The following ARMC9 variants were observed in gnomAD, a reference collection of about 807,000 sequenced individuals.
ARMC9 encodes lisH domain-containing protein ARMC9.
ARMC9 carries 94 observed loss-of-function variants against 107.0 expected under a neutral mutation model. The ratio of observed to expected loss-of-function variants is 0.88; its 90% CI spans 0.74 to 1.04. The LOEUF (loss-of-function observed/expected upper bound fraction) is 1.04. Ranked by LOEUF, ARMC9 falls within the 50% of genes least tolerant of loss-of-function variation. The probability of loss-of-function intolerance (pLI) is 0.00; values close to 1 mark genes in which losing one functional copy is unlikely to be tolerated. For missense variants in ARMC9, 942 were observed against 1,030.1 expected, an observed-to-expected ratio of 0.91 and a Z score of 1.17; for synonymous variants, 380 against 396.9, an observed-to-expected ratio of 0.96 and a Z score of 0.51.
chr2:231,376,729 G>A lies in ARMC9; in HGVS notation c.*5194G>A, dbSNP rs949345529. Among the ~76,000 whole-genome samples the A allele has an allele frequency of 1.3e-5, 2 of 151,818 alleles. No homozygotes were observed. Among genetic ancestry groups the A allele is most frequent in the African/African-American group, 2.4e-5 (1 of 41,282 alleles). ...TGATGTCTGTCACCCACACCTATTC[G>A]CACACTCCCTCCCCTTTTGAAAATC... On this transcript the variant is annotated 3_prime_UTR_variant, in exon 25 of 25. Transcript: ENST00000611582.
Position 231,206,225 on chromosome 2 carries a change from A to G in ARMC9, c.-14A>G. On this transcript the variant is annotated 5_prime_UTR_variant, in exon 2 of 25. Transcript: ENST00000611582. ...ATTTTTGCTGTGAGAATTAATTACC[A>G]GTAACAGTTCAATATGGGGGACATT... is the stretch of plus-strand genomic sequence containing the variant. 2 of 1,611,758 alleles carry G rather than the reference A, an allele frequency of 1.2e-6. No individual in the cohort carries two copies. Among genetic ancestry groups the G allele is most frequent in the Non-Finnish European group, 1.7e-6 (2 of 1,178,222 alleles).
rs373214254 is a variant in ARMC9, at chr2:231,231,531, A to G, written c.623-3693A>G. ...CCTGAGTAGCTGGGATTACAGGCGC[A>G]TGCCACCATGCCCAGCTAATTTTTG... On this transcript the variant is annotated intron_variant, in intron 7 of 24. Coordinates refer to ENST00000611582, the MANE Select transcript of ARMC9 (RefSeq NM_001352754.2). Among the ~76,000 whole-genome samples, 806 of 151,046 alleles carry G rather than the reference A, an allele frequency of 5.3e-3. 10 individuals are homozygous for G. The highest frequency in any genetic ancestry group is 0.019 in the African/African-American group (771 of 41,078).
intron 5 of ARMC9, among the ~76,000 whole-genome samples, chr2:231,220,649 T>G (rs2034027559): frequency 6.7e-6 from 1 of 150,144 alleles, no homozygotes; most frequent in Non-Finnish European, 1.5e-5. Flanking sequence ...CTAATTTTCC[T>G]CCTGTCTCTG....
intron 16 of ARMC9, 81 bp downstream of exon 16, chr2:231,278,539 C>A: frequency 7.8e-7 from 1 of 1,284,362 alleles, no homozygotes; most frequent in Non-Finnish European, 1.1e-6. Flanking sequence ...AGGCACACAG[C>A]TGGCCCAGGA....
At chr2:231,318,253 C>G (rs1352468392) in intron 19 of ARMC9, among the ~76,000 whole-genome samples, 2 of 141,116 alleles carry the variant, frequency 1.4e-5, no homozygotes, top group East Asian at 2.2e-4. Context: ...TTCTCCAATC[C>G]CAGGGTCTCC....
chr2:231,312,659 G>A (rs2042423355), intron 19 of ARMC9, among the ~76,000 whole-genome samples: 1 of 149,738 alleles, frequency 6.7e-6, no homozygotes, highest in Non-Finnish European at 1.5e-5. Context: ...TAGAGTTTTG[G>A]TGATCAAAAC....
intron 20 of ARMC9, among the ~76,000 whole-genome samples, chr2:231,335,030 T>G (rs2125563904): frequency 6.6e-6 from 1 of 152,350 alleles, no homozygotes; most frequent in African/African-American, 2.4e-5. Flanking sequence ...GTTGGCGTTT[T>G]GAAACATTCT....
intron 12 of ARMC9, 119 bp downstream of exon 12, chr2:231,262,517 C>A: frequency 1.0e-6 from 1 of 991,572 alleles, no homozygotes; most frequent in Non-Finnish European, 1.5e-6. Context: ...TGTATGTCAG[C>A]CTTGAGCTCA....
chr2:231,349,347 C>T (rs1469153892), intron 21 of ARMC9, among the ~76,000 whole-genome samples: 1 of 152,230 alleles, frequency 6.6e-6, no homozygotes, highest in Middle Eastern at 3.4e-3. Flanking sequence ...AAACATCACA[C>T]GTTCCCACTT....
At chr2:231,290,049 G>C (rs563498768) in intron 17 of ARMC9, among the ~76,000 whole-genome samples, 2 of 152,330 alleles carry the variant, frequency 1.3e-5, no homozygotes, top group Admixed American at 6.5e-5. Flanking sequence ...AAAAGCACAG[G>C]CCTTACATGG....
chr2:231,214,682 T>C, intron 3 of ARMC9, 149 bp from the exon 4 acceptor site: 1 of 792,916 alleles, frequency 1.3e-6, no homozygotes, highest in Non-Finnish European at 2.0e-6. Flanking sequence ...AATCGCAGGC[T>C]CAGGAGCTTG....
At chr2:231,288,842 A>G (rs2040795170) in intron 17 of ARMC9, 1 of 383,364 alleles carries the variant, frequency 2.6e-6, no homozygotes, top group Non-Finnish European at 5.3e-6. Flanking sequence ...ACCTAGTCAG[A>G]CATCTGCACA....
intron 21 of ARMC9, among the ~76,000 whole-genome samples, chr2:231,353,310 C>G (rs2045183577): frequency 8.0e-6 from 1 of 125,574 alleles, no homozygotes; most frequent in South Asian, 2.2e-4. Flanking sequence ...CCTCAGCTTC[C>G]CGAGTAGTTG....
At position 231,362,650 on chromosome 2, in the gene ARMC9, G is replaced by A. The variant is rs1341161708; in HGVS notation, c.2261+1767G>A. On this transcript the variant is annotated intron_variant, in intron 23 of 24. Transcript: ENST00000611582. The surrounding 1 kb of genome is among the most constrained non-coding windows in gnomAD (Gnocchi z 4.7). ...CAGTGTGAGGAAGAAGAGGATGGAA[G>A]GAGGGAGAAGTACAAGTTGTTCCAT... The A allele has an allele frequency of 7.2e-5, 11 of 152,626 alleles. No individual in the cohort carries two copies. The allele number at this position is 152,626 out of a possible 1,614,324, so 9.5% of individuals were successfully genotyped here. A position where few individuals can be genotyped will look rare whatever the true frequency, so the allele number is the denominator to read the frequency against.
In ARMC9 at chr2:231,214,936, A is replaced by G. The variant is rs1419037574; in HGVS notation, c.283A>G (p.Lys95Glu). The change falls in exon 4 of 25, where the codon AAG becomes GAG. Residue 95 changes from lysine (K) to glutamate (E), a missense_variant. Physicochemically the swap from Lys to Glu is moderately conservative, Grantham distance 56. Transcript: ENST00000611582. Reference protein sequence around the residue: ...SIRDGDSFAQKLEFYLHIHFA... With the variant: ...SIRDGDSFAQELEFYLHIHFA... ...CCGAGATGGGGACTCCTTTGCCCAGAAGCTGGAATTCTATCTCCACATCCA... is the reference window on the plus strand; with the variant it reads ...CCGAGATGGGGACTCCTTTGCCCAGGAGCTGGAATTCTATCTCCACATCCA... The G allele has an allele frequency of 6.2e-7, 1 of 1,614,036 alleles. No individual in the cohort carries two copies. Among genetic ancestry groups the G allele is most frequent in the African/African-American group, 1.3e-5 (1 of 74,912 alleles).
At chr2:231,231,255 A>G (rs184342668) in intron 7 of ARMC9, among the ~76,000 whole-genome samples, 70 of 152,290 alleles carry the variant, frequency 4.6e-4, no homozygotes, top group African/African-American at 1.6e-3. Flanking sequence ...CCGTGTTGAG[A>G]AAGTTTGCAT....
chr2:231,200,316 C>T (rs2030650353), intron 1 of ARMC9, among the ~76,000 whole-genome samples: 1 of 152,196 alleles, frequency 6.6e-6, no homozygotes, highest in African/African-American at 2.4e-5. Context: ...GAGTACCTTT[C>T]TTGCTTACTA....
chr2:231,250,954 G>T (rs931315218), intron 9 of ARMC9, among the ~76,000 whole-genome samples: 12 of 152,264 alleles, frequency 7.9e-5, no homozygotes, highest in African/African-American at 2.9e-4. Context: ...TCCTACAGTG[G>T]CATGCCTGGT....
At chr2:231,344,919 A>C in intron 20 of ARMC9, 56 bp from the exon 21 acceptor site, 1 of 1,559,760 alleles carries the variant, frequency 6.4e-7, no homozygotes, top group Non-Finnish European at 8.8e-7. Flanking sequence ...CTTGACTTCT[A>C]GGTCAGCTCT....
Sources: gnomAD v4.1 joint callset for allele counts (sites outside exome capture counted in the v4.1 genomes callset) on GRCh38, gnomAD v4.1.1 for gene constraint, Gnocchi (gnomAD v3.1) non-coding constraint, MANE v1.5 for transcripts, NCBI Gene and HGNC (gene_info 2026-07-23, HGNC 2026-07-21) for gene names.